Variants in PDZRN4 observed in about 807,000 individuals in gnomAD.
PDZRN4 encodes PDZ domain-containing RING finger protein 4.
Under a neutral mutation model 99.0 loss-of-function variants are expected in PDZRN4, and 70 were observed. That is an observed-to-expected ratio of 0.71 (90% CI 0.58 to 0.86). The LOEUF (loss-of-function observed/expected upper bound fraction) is 0.86. Ranked by LOEUF, PDZRN4 falls within the 40% of genes least tolerant of loss-of-function variation. The pLI, the probability that PDZRN4 is intolerant of heterozygous loss-of-function variation, is 0.00. For synonymous variants in PDZRN4, 551 were observed against 501.6 expected (o/e 1.10, Z -1.32); for missense variants, 1,474 against 1,331.2 (o/e 1.11, Z -1.67).
intron 3 of PDZRN4, among the ~76,000 whole-genome samples, chr12:41,368,410 AG>A (rs1404221353): frequency 6.6e-6 from 1 of 152,112 alleles, no homozygotes; most frequent in Admixed American, 6.6e-5. Context: ...ATAAATAGGA[AG>A]GTGCTTCAAA....
intron 3 of PDZRN4, among the ~76,000 whole-genome samples, chr12:41,381,346 C>T (rs906335787): frequency 1.3e-5 from 2 of 151,676 alleles, no homozygotes; most frequent in African/African-American, 4.9e-5. Flanking sequence ...CTCTCTCTCC[C>T]CTCTTATTTC....
At chr12:41,404,848 A>T (rs1243324669) in intron 3 of PDZRN4, among the ~76,000 whole-genome samples, 2 of 126,362 alleles carry the variant, frequency 1.6e-5, no homozygotes, top group Admixed American at 1.5e-4. Flanking sequence ...CTAATCTTCA[A>T]CAAGACCAAA....
intron 3 of PDZRN4, among the ~76,000 whole-genome samples, chr12:41,308,421 G>T (rs777407870): frequency 6.6e-6 from 1 of 151,880 alleles, no homozygotes. Context: ...TTTTTATATC[G>T]CATTATTCAT....
chr12:41,382,142 G>A (rs1035057975), intron 3 of PDZRN4, among the ~76,000 whole-genome samples: 6 of 152,166 alleles, frequency 3.9e-5, no homozygotes, highest in Admixed American at 3.9e-4. Flanking sequence ...TCAGCAATTG[G>A]ACTGAGCTTC....
chr12:41,432,179 A>G (rs1952591622), intron 3 of PDZRN4, among the ~76,000 whole-genome samples: 1 of 152,198 alleles, frequency 6.6e-6, no homozygotes, highest in Admixed American at 6.5e-5. Flanking sequence ...TTAAACGTAC[A>G]GATAGTGTAT....
In PDZRN4 at chr12:41,446,245, C is replaced by CTTTATTTATTTATTTATTTATTTA. The variant is rs10529599; in HGVS notation, c.844-60188_844-60187insATTTATTTATTTATTTATTTATTT. Among the ~76,000 whole-genome samples the CTTTATTTATTTATTTATTTATTTA allele has an allele frequency of 2.9e-3, 434 of 148,390 alleles. 4 individuals carry two copies. Among genetic ancestry groups the CTTTATTTATTTATTTATTTATTTA allele is most frequent in the African/African-American group, 8.1e-3 (325 of 40,166 alleles). Reference sequence around the variant, plus strand: ...GTAGCTTTATAGAAACATTGTAGGGCTTTATTTATTTATTTATTTATTTTG... The same window carrying CTTTATTTATTTATTTATTTATTTA: ...GTAGCTTTATAGAAACATTGTAGGGCTTTATTTATTTATTTATTTATTTATTTATTTATTTATTTATTTATTTTG... On this transcript the variant is annotated intron_variant, in intron 3 of 9. Coordinates refer to ENST00000402685, the MANE Select transcript of PDZRN4 (RefSeq NM_001164595.2).
intron 3 of PDZRN4, among the ~76,000 whole-genome samples, chr12:41,379,508 ACTTTT>A (rs1479966660): frequency 6.6e-6 from 1 of 150,718 alleles, no homozygotes; most frequent in African/African-American, 2.4e-5. Flanking sequence ...ATAGCTTTAA[ACTTTT>A]CTTTTAGAAC....
intron 3 of PDZRN4, among the ~76,000 whole-genome samples, chr12:41,253,875 G>A (rs950644641): frequency 2.6e-5 from 4 of 152,190 alleles, no homozygotes; most frequent in Non-Finnish European, 4.4e-5. Context: ...AGTGAAATAA[G>A]CCAAGCAGAG....
At chr12:41,491,180 G>T (rs1937879089) in intron 3 of PDZRN4, among the ~76,000 whole-genome samples, 1 of 152,098 alleles carries the variant, frequency 6.6e-6, no homozygotes, top group Non-Finnish European at 1.5e-5. Flanking sequence ...TGTCAGTCGA[G>T]TCCAATTAGT....
chr12:41,414,634 T>A (rs1279955107), intron 3 of PDZRN4, among the ~76,000 whole-genome samples: 1 of 151,950 alleles, frequency 6.6e-6, no homozygotes, highest in East Asian at 1.9e-4. Context: ...CATCTTCAAA[T>A]TAAAAAAATT....
rs377146338 is a variant in PDZRN4, at chr12:41,188,550, C to A, written c.95C>A (p.Pro32Gln). The change falls in exon 1 of 10, where the codon CCG becomes CAG. Residue 32 changes from proline (P) to glutamine (Q), a missense_variant. Transcript: ENST00000402685. ...GTGCTTGAAGAGCCCCTGTGCACGC[C>A]GTGCGGGCACGTCTTCTGCGCCAGC... ...GQVLEEPLCT[P>Q]CGHVFCASCL... 6.3e-5 allele frequency: 99 copies of A among 1,560,100 alleles called. No individual in the cohort carries two copies. Among genetic ancestry groups the A allele is most frequent in the Non-Finnish European group, 8.2e-5 (95 of 1,160,718 alleles).
intron 3 of PDZRN4, among the ~76,000 whole-genome samples, chr12:41,425,529 A>T (rs1211295002): frequency 6.6e-6 from 1 of 152,126 alleles, no homozygotes; most frequent in African/African-American, 2.4e-5. Context: ...CAATGCATAA[A>T]GGAGAGGTCT....
intron 3 of PDZRN4, among the ~76,000 whole-genome samples, chr12:41,490,969 G>A (rs1303502011): frequency 6.6e-6 from 1 of 152,102 alleles, no homozygotes; most frequent in Non-Finnish European, 1.5e-5. Context: ...GAGCAGAGGA[G>A]GCTTCCGTAC....
intron 3 of PDZRN4, among the ~76,000 whole-genome samples, chr12:41,322,595 A>G (rs895061442): frequency 2.9e-5 from 4 of 139,670 alleles, no homozygotes; most frequent in Admixed American, 1.6e-4. Flanking sequence ...GGTTCACGCC[A>G]TTCTCCTGCC....
At chr12:41,230,871 T>A (rs1468798557) in intron 3 of PDZRN4, among the ~76,000 whole-genome samples, 1 of 152,102 alleles carries the variant, frequency 6.6e-6, no homozygotes, top group Non-Finnish European at 1.5e-5. Flanking sequence ...ACACAGCTAA[T>A]CTCTTTTTTT....
intron 3 of PDZRN4, among the ~76,000 whole-genome samples, chr12:41,298,082 T>C (rs113444693): frequency 1.1e-3 from 169 of 152,276 alleles, no homozygotes; most frequent in African/African-American, 3.9e-3. Context: ...AACCAATTTA[T>C]ATTTTCTAGT....
chr12:41,567,976 GAAAAC>G, intron 9 of PDZRN4, 77 bp downstream of exon 9: 1 of 821,314 alleles, frequency 1.2e-6, no homozygotes, highest in Non-Finnish European at 1.9e-6. Flanking sequence ...AAATGAAGAT[GAAAAC>G]AAAATCAAAG....
intron 3 of PDZRN4, among the ~76,000 whole-genome samples, chr12:41,375,690 C>T (rs980329633): frequency 7.9e-5 from 12 of 151,896 alleles, no homozygotes; most frequent in African/African-American, 2.9e-4. Context: ...AAAGGATTAC[C>T]ACAATCAAGT....
chr12:41,572,584 A>T lies in PDZRN4; in HGVS notation c.1805A>T (p.Tyr602Phe). The change falls in exon 10 of 10, where the codon TAC becomes TTC. Residue 602 changes from tyrosine (Y) to phenylalanine (F), a missense_variant. By Grantham distance (22) the Tyr-to-Phe change is conservative. Coordinates refer to ENST00000402685, the MANE Select transcript of PDZRN4 (RefSeq NM_001164595.2). The part of the protein sequence containing the change: ...QDTLGSVELQ[Y>F]NESLVSGEYI... Reference sequence around the variant, plus strand: ...ACTCTGGGAAGTGTTGAACTTCAGTACAATGAGAGCCTCGTATCTGGTGAA... The same window carrying T: ...ACTCTGGGAAGTGTTGAACTTCAGTTCAATGAGAGCCTCGTATCTGGTGAA... 6.2e-7 allele frequency: 1 copy of T among 1,614,182 alleles called. No homozygotes were observed. Among genetic ancestry groups the T allele is most frequent in the Non-Finnish European group, 8.5e-7 (1 of 1,180,012 alleles).
Sources: allele counts gnomAD v4.1 joint callset (sites outside exome capture counted in the v4.1 genomes callset), GRCh38; gene constraint gnomAD v4.1.1; transcripts MANE v1.5; gene names NCBI Gene and HGNC (gene_info 2026-07-23, HGNC 2026-07-21).